The following AUTS2 variants were observed in gnomAD, a reference collection of about 807,000 sequenced individuals.
AUTS2 encodes the protein activator of transcription and developmental regulator AUTS2.
A neutral mutation model predicts 112.4 loss-of-function variants in AUTS2; 17 were observed. That is an observed-to-expected ratio of 0.15 (90% confidence interval 0.10 to 0.23). The LOEUF is 0.23. AUTS2 is among the 10% of genes least tolerant of loss of function. AUTS2 has a pLI of 1.00. For missense variants in AUTS2, 1,510 were observed against 1,701.6 expected (o/e 0.89, Z 1.98); for synonymous variants, 751 against 702.7 (o/e 1.07, Z -1.09).
At chr7:69,860,642 A>G (rs1792936051) in intron 1 of AUTS2, among the ~76,000 whole-genome samples, 1 of 152,046 alleles carries the variant, frequency 6.6e-6, no homozygotes, top group Non-Finnish European at 1.5e-5. Context: ...AAAGAGCTAT[A>G]GCAAACACAA....
chr7:70,181,501 T>C (rs1809300536), intron 4 of AUTS2, among the ~76,000 whole-genome samples: 1 of 152,060 alleles, frequency 6.6e-6, no homozygotes. Context: ...TTCTTTTTTT[T>C]TTTGAGATGG....
At chr7:69,778,804 T>G (rs1789011724) in intron 1 of AUTS2, among the ~76,000 whole-genome samples, 1 of 152,030 alleles carries the variant, frequency 6.6e-6, no homozygotes, top group Admixed American at 6.6e-5. Flanking sequence ...GAGGTGTGGG[T>G]CACCACCATC....
At chr7:69,667,350 G>GTTT (rs58991076) in intron 1 of AUTS2, among the ~76,000 whole-genome samples, 5 of 134,434 alleles carry the variant, frequency 3.7e-5, no homozygotes, top group Non-Finnish European at 6.3e-5. Flanking sequence ...GTTTTGTTGT[G>GTTT]TTTTTTTTTT....
intron 2 of AUTS2, among the ~76,000 whole-genome samples, chr7:69,915,032 C>T (rs1206287444): frequency 6.6e-6 from 1 of 152,088 alleles, no homozygotes; most frequent in Admixed American, 6.5e-5. Flanking sequence ...TTAATGATAA[C>T]TCTGCCCATG....
At chr7:69,893,252 A>T (rs1029866882) in intron 1 of AUTS2, among the ~76,000 whole-genome samples, 2 of 152,220 alleles carry the variant, frequency 1.3e-5, no homozygotes, top group Non-Finnish European at 2.9e-5. Context: ...CTTTCTAAAA[A>T]GTTTAGGCTC....
At chr7:70,000,286 T>C (rs2129552620) in intron 2 of AUTS2, among the ~76,000 whole-genome samples, 1 of 152,272 alleles carries the variant, frequency 6.6e-6, no homozygotes, top group Middle Eastern at 3.4e-3. Context: ...AGAAGAGGTA[T>C]GCAATGGTTG....
chr7:70,177,385 T>G (rs1809046720), intron 4 of AUTS2, among the ~76,000 whole-genome samples: 1 of 152,184 alleles, frequency 6.6e-6, no homozygotes. Flanking sequence ...AACTTAGCTG[T>G]GCTCAAAACC....
chr7:70,605,674 A>G (rs1300299742), intron 5 of AUTS2, among the ~76,000 whole-genome samples: 1 of 150,666 alleles, frequency 6.6e-6, no homozygotes, highest in Non-Finnish European at 1.5e-5. Context: ...GTCTGAGGTC[A>G]TCTTTCCCAT....
intron 1 of AUTS2, among the ~76,000 whole-genome samples, chr7:69,889,789 G>C (rs1423818307): frequency 9.2e-5 from 14 of 152,188 alleles, no homozygotes; most frequent in Non-Finnish European, 5.9e-5. Flanking sequence ...TGAGTGTTCT[G>C]CTTGTCTTTC....
chr7:69,957,050 CTTTTT>C (rs759318185), intron 2 of AUTS2, among the ~76,000 whole-genome samples: 1 of 132,336 alleles, frequency 7.6e-6, no homozygotes, highest in Non-Finnish European at 1.6e-5. Flanking sequence ...TTTGTTCTTT[CTTTTT>C]TTTTTTTTTT....
chr7:70,592,623 G>T (rs747489107), intron 5 of AUTS2, among the ~76,000 whole-genome samples: 4 of 151,894 alleles, frequency 2.6e-5, no homozygotes, highest in Non-Finnish European at 5.9e-5. Flanking sequence ...CTGTCCTCCC[G>T]AAGTGCTGGG....
intron 6 of AUTS2, among the ~76,000 whole-genome samples, chr7:70,742,596 C>G (rs1384073804): frequency 6.6e-6 from 1 of 152,140 alleles, no homozygotes; most frequent in Admixed American, 6.5e-5. Flanking sequence ...AACCCCATCT[C>G]TACTAAAAAT....
intron 1 of AUTS2, among the ~76,000 whole-genome samples, chr7:69,742,470 T>C (rs1326349498): frequency 6.6e-6 from 1 of 152,182 alleles, no homozygotes; most frequent in Non-Finnish European, 1.5e-5. Flanking sequence ...CAGTGGCTGT[T>C]ACATTCTCAG....
At chr7:70,024,756 G>A (rs1174417894) in intron 2 of AUTS2, among the ~76,000 whole-genome samples, 1 of 152,110 alleles carries the variant, frequency 6.6e-6, no homozygotes, top group Non-Finnish European at 1.5e-5. Context: ...TTTGGCAAGA[G>A]TTATTGCAGT....
intron 2 of AUTS2, among the ~76,000 whole-genome samples, chr7:70,046,734 T>A (rs2129558626): frequency 6.6e-6 from 1 of 152,354 alleles, no homozygotes; most frequent in East Asian, 1.9e-4. Flanking sequence ...TATTTCTTTT[T>A]ATCATGTTTC....
chr7:70,593,877 G>A (rs1412907366), intron 5 of AUTS2, among the ~76,000 whole-genome samples: 2 of 152,186 alleles, frequency 1.3e-5, no homozygotes, highest in East Asian at 3.9e-4. Flanking sequence ...TAGAGAGGCA[G>A]GAGAACCCTG....
At chr7:69,765,317 A>C (rs1465545375) in intron 1 of AUTS2, among the ~76,000 whole-genome samples, 1 of 152,182 alleles carries the variant, frequency 6.6e-6, no homozygotes, top group African/African-American at 2.4e-5. Flanking sequence ...GTACCTAGTG[A>C]GCATCTTGGA....
intron 2 of AUTS2, among the ~76,000 whole-genome samples, chr7:69,961,868 A>G (rs1416104667): frequency 6.6e-6 from 1 of 152,116 alleles, no homozygotes; most frequent in Non-Finnish European, 1.5e-5. Flanking sequence ...GAAAGCTCTG[A>G]GGAAAAAAAA....
intron 1 of AUTS2, among the ~76,000 whole-genome samples, chr7:69,782,705 C>A (rs1789194719): frequency 6.6e-6 from 1 of 151,908 alleles, no homozygotes; most frequent in East Asian, 1.9e-4. Context: ...ACATTACAAC[C>A]AAGTATAACT....
Sources: allele counts gnomAD v4.1 joint callset (sites outside exome capture counted in the v4.1 genomes callset), GRCh38; gene constraint gnomAD v4.1.1; transcripts MANE v1.5; gene names NCBI Gene and HGNC (gene_info 2026-07-23, HGNC 2026-07-21).